Variants in OTUD7A observed in about 807,000 individuals in gnomAD.
OTUD7A encodes OTU domain-containing protein 7A.
In OTUD7A, 12 loss-of-function variants were observed where a neutral mutation model predicts 65.7. The observed-to-expected ratio is 0.18, with a 90% CI of 0.12 to 0.30. The LOEUF (loss-of-function observed/expected upper bound fraction) is 0.30. OTUD7A is among the 10% of genes least tolerant of loss of function. OTUD7A has a pLI of 1.00. For missense variants in OTUD7A, 1,148 were observed against 1,304.8 expected (o/e 0.88, Z 1.85); for synonymous variants, 641 against 586.3 (o/e 1.09, Z -1.35).
chr15:31,732,620 G>GT (rs1234502422), intron 1 of OTUD7A, among the ~76,000 whole-genome samples: 1 of 152,198 alleles, frequency 6.6e-6, no homozygotes, highest in Non-Finnish European at 1.5e-5. Flanking sequence ...TGGGGCATAC[G>GT]TAACAAGCAT....
At chr15:31,700,109 T>C (rs564485851) in intron 1 of OTUD7A, among the ~76,000 whole-genome samples, 1 of 152,058 alleles carries the variant, frequency 6.6e-6, no homozygotes, top group Non-Finnish European at 1.5e-5. Flanking sequence ...GTTAACACAG[T>C]GGTCATGCTG....
intron 1 of OTUD7A, among the ~76,000 whole-genome samples, chr15:31,784,972 C>T (rs1595766676): frequency 6.6e-6 from 1 of 152,094 alleles, no homozygotes; most frequent in East Asian, 1.9e-4. Flanking sequence ...CCCACCTGTG[C>T]TTATCTCTTA....
chr15:31,493,853 G>GCACCATACTTACAGTATGGTA (rs2041350274), intron 10 of OTUD7A, among the ~76,000 whole-genome samples: 1 of 150,726 alleles, frequency 6.6e-6, no homozygotes, highest in Non-Finnish European at 1.5e-5. Flanking sequence ...TGTAGTTACA[G>GCACCATACTTACAGTATGGTA]CAGTACTTAG....
intron 1 of OTUD7A, among the ~76,000 whole-genome samples, chr15:31,687,556 T>C (rs1892867240): frequency 6.6e-6 from 1 of 152,180 alleles, no homozygotes; most frequent in Non-Finnish European, 1.5e-5. Context: ...CTCCTAATTG[T>C]AATTATAAGG....
At position 31,853,508 on chromosome 15, in the gene OTUD7A, G is replaced by C. The variant is rs182007005; in HGVS notation, c.-100+16999C>G. 7.0e-4 allele frequency among the ~76,000 whole-genome samples: 107 copies of C among 152,342 alleles called. 1 individual carries two copies. In the East Asian group the frequency reaches 0.019, roughly 27 times the overall value. On this transcript the variant is annotated intron_variant, in intron 1 of 12. Transcript: ENST00000307050. ...CACAGAGAGCCAGCACCCACCTCCT[G>C]AACCTGGGGAGGCACATGGGCCCCG... is the stretch of plus-strand genomic sequence containing the variant.
rs58276599 is a variant in OTUD7A at position 31,589,463 on chromosome 15, G to GTTTTTT, written c.152-19272_152-19267dup. Among the ~76,000 whole-genome samples the GTTTTTT allele has an allele frequency of 3.3e-4, 38 of 116,308 alleles. 1 individual carries two copies. Among genetic ancestry groups the GTTTTTT allele is most frequent in the African/African-American group, 1.2e-3 (34 of 28,812 alleles). 76.3% of individuals were successfully genotyped at this position (116,308 alleles called of 152,430 possible). A position where few individuals can be genotyped will look rare whatever the true frequency, so the allele number is the denominator to read the frequency against. ...TACAGGTGTCCACTGTCCTGGGCTT[G>GTTTTTT]TTTTTTTTTTTTTTTTTTCTGTAGA... On this transcript the variant is annotated intron_variant, in intron 3 of 12. Transcript: ENST00000307050.
intron 1 of OTUD7A, among the ~76,000 whole-genome samples, chr15:31,772,890 G>C (rs1174888388): frequency 6.6e-6 from 1 of 152,112 alleles, no homozygotes; most frequent in Non-Finnish European, 1.5e-5. Context: ...TATTAAAGAA[G>C]TTTGTATATA....
intron 3 of OTUD7A, among the ~76,000 whole-genome samples, chr15:31,603,660 C>G (rs1018907050): frequency 6.6e-6 from 1 of 152,140 alleles, no homozygotes; most frequent in African/African-American, 2.4e-5. Context: ...AACAGGCAAC[C>G]TACAGAATGG....
At chr15:31,595,754 A>C (rs1889885636) in intron 3 of OTUD7A, among the ~76,000 whole-genome samples, 1 of 152,200 alleles carries the variant, frequency 6.6e-6, no homozygotes, top group South Asian at 2.1e-4. Context: ...GGCTTGAAAG[A>C]GAATTGGCTT....
rs148177666 is a variant in OTUD7A, at chr15:31,854,763, T to C, written c.-100+15744A>G. Among the ~76,000 whole-genome samples the C allele has an allele frequency of 7.5e-3, 1,143 of 151,892 alleles. 17 individuals carry two copies. The highest frequency in any genetic ancestry group is 7.8e-3 in the Non-Finnish European group (532 of 67,944). ...TATTCACAGGTTTGGGGGATTAGGA[T>C]ACTGACATCTTTGAGGGGTTGTCTT... On this transcript the variant is annotated intron_variant, in intron 1 of 12. Transcript: ENST00000307050.
At chr15:31,837,958 A>G (rs1190210416) in intron 1 of OTUD7A, among the ~76,000 whole-genome samples, 2 of 152,260 alleles carry the variant, frequency 1.3e-5, no homozygotes, top group African/African-American at 4.8e-5. Flanking sequence ...AGAATTAAAC[A>G]ACATAAATAG....
chr15:31,486,913 C>T (rs1333579145), intron 12 of OTUD7A, among the ~76,000 whole-genome samples: 3 of 152,230 alleles, frequency 2.0e-5, no homozygotes, highest in Admixed American at 6.5e-5. Flanking sequence ...TTTACAAGAG[C>T]GCATGCTTGC....
At chr15:31,713,889 G>C (rs986252302) in intron 1 of OTUD7A, among the ~76,000 whole-genome samples, 1 of 149,798 alleles carries the variant, frequency 6.7e-6, no homozygotes, top group Non-Finnish European at 1.5e-5. Flanking sequence ...ATGAAAAGTT[G>C]CTCAACCTTA....
chr15:31,790,112 A>C (rs1328856711), intron 1 of OTUD7A, among the ~76,000 whole-genome samples: 1 of 152,188 alleles, frequency 6.6e-6, no homozygotes, highest in Non-Finnish European at 1.5e-5. Context: ...CCGCCCTATA[A>C]AGTCACATTG....
chr15:31,548,922 G>A (rs936319245), intron 5 of OTUD7A, among the ~76,000 whole-genome samples: 1 of 152,106 alleles, frequency 6.6e-6, no homozygotes, highest in African/African-American at 2.4e-5. Flanking sequence ...GATCACTTGA[G>A]GCCAGGGGTT....
intron 5 of OTUD7A, among the ~76,000 whole-genome samples, chr15:31,532,030 A>C (rs560269015): frequency 3.4e-4 from 52 of 152,318 alleles, no homozygotes; most frequent in African/African-American, 1.2e-3. Flanking sequence ...GGCCCCCTGA[A>C]CCTACCAGAG....
chr15:31,592,641 G>A (rs1482042841), intron 3 of OTUD7A, among the ~76,000 whole-genome samples: 2 of 151,860 alleles, frequency 1.3e-5, no homozygotes, highest in East Asian at 3.9e-4. Flanking sequence ...AGCATTTTGG[G>A]AGGCTGAGGC....
intron 3 of OTUD7A, among the ~76,000 whole-genome samples, chr15:31,604,066 C>G (rs1200933504): frequency 6.6e-6 from 1 of 152,256 alleles, no homozygotes; most frequent in African/African-American, 2.4e-5. Context: ...ACTAGAAATA[C>G]CATTTGACCC....
chr15:31,486,372 T>C lies in OTUD7A; in HGVS notation c.1371+822A>G, dbSNP rs529433795. On this transcript the variant is annotated intron_variant, in intron 12 of 12. Coordinates refer to ENST00000307050, the MANE Select transcript of OTUD7A (RefSeq NM_001382637.1). ...TGGGAGATGACGTACAGGCAGAGGC[T>C]GGAGTCTGAGAGCACTGAGCAGTGC... 3.9e-5 allele frequency among the ~76,000 whole-genome samples: 6 copies of C among 152,314 alleles called. No individual in the cohort carries two copies. The South Asian group carries it at 1.2e-3, about 32-fold the overall frequency.
Sources: allele counts gnomAD v4.1 joint callset (sites outside exome capture counted in the v4.1 genomes callset), GRCh38; gene constraint gnomAD v4.1.1; transcripts MANE v1.5; gene names NCBI Gene and HGNC (gene_info 2026-07-23, HGNC 2026-07-21).